KCNN2: variants seen among roughly 807,000 people sequenced by gnomAD.
KCNN2 encodes the protein potassium calcium-activated channel subfamily N member 2.
In KCNN2, 24 loss-of-function variants were observed where a neutral mutation model predicts 55.5. That is an observed-to-expected ratio of 0.43 (90% confidence interval 0.31 to 0.61). The LOEUF (loss-of-function observed/expected upper bound fraction) is 0.61, where lower values mean the gene tolerates loss of function less well. Ranked by LOEUF, KCNN2 falls within the 20% of genes least tolerant of loss-of-function variation. KCNN2 has a pLI of 0.08. For synonymous variants in KCNN2, 431 were observed against 336.1 expected, an observed-to-expected ratio of 1.28 and a Z score of -3.09; for missense variants, 754 against 853.6, an observed-to-expected ratio of 0.88 and a Z score of 1.45.
At chr5:114,296,832 T>A (rs1756020701) in intron 2 of KCNN2, among the ~76,000 whole-genome samples, 1 of 152,220 alleles carries the variant, frequency 6.6e-6, no homozygotes, top group African/African-American at 2.4e-5. Flanking sequence ...CATTAAAATG[T>A]GACAATATAT....
intron 2 of KCNN2, among the ~76,000 whole-genome samples, chr5:114,229,607 T>C (rs1754314537): frequency 6.6e-6 from 1 of 151,460 alleles, no homozygotes; most frequent in Non-Finnish European, 1.5e-5. Context: ...TAGATGTAAA[T>C]ATTAGTATGT....
chr5:114,299,023 G>A lies in KCNN2; in HGVS notation c.-184-61922G>A, dbSNP rs142690732. 1.1e-3 allele frequency among the ~76,000 whole-genome samples: 161 copies of A among 152,252 alleles called. 3 individuals are homozygous for A. The highest frequency in any genetic ancestry group is 8.7e-3 in the East Asian group (45 of 5,174). On this transcript the variant is annotated intron_variant, in intron 2 of 10. Transcript: ENST00000512097. The stretch of plus-strand genomic sequence containing the variant: ...TATTAGTAATTAACCCAGTATTGGG[G>A]CTGTTTTCAGGGTGAAGGTTAATTC...
chr5:114,067,703 TTTGGTG>T (rs1251134968), intron 1 of KCNN2, among the ~76,000 whole-genome samples: 1 of 152,208 alleles, frequency 6.6e-6, no homozygotes, highest in African/African-American at 2.4e-5. Context: ...TTGTTTTATC[TTTGGTG>T]TGTGTGTATT....
intron 2 of KCNN2, among the ~76,000 whole-genome samples, chr5:114,271,515 A>G (rs571714777): frequency 1.3e-5 from 2 of 152,218 alleles, no homozygotes; most frequent in South Asian, 4.1e-4. Flanking sequence ...AAAGTAAAAA[A>G]TACAATACTA....
At chr5:114,072,240 C>T (rs998673960) in intron 1 of KCNN2, among the ~76,000 whole-genome samples, 1 of 151,504 alleles carries the variant, frequency 6.6e-6, no homozygotes, top group African/African-American at 2.4e-5. Flanking sequence ...TGCGGTGAGC[C>T]AAGATCACGC....
chr5:114,200,261 A>G (rs1753646607), intron 1 of KCNN2, among the ~76,000 whole-genome samples: 1 of 151,654 alleles, frequency 6.6e-6, no homozygotes, highest in African/African-American at 2.4e-5. Context: ...TCAAGTTCTG[A>G]GATTGTTTCT....
chr5:114,178,884 T>C (rs1178808512), intron 1 of KCNN2, among the ~76,000 whole-genome samples: 2 of 152,192 alleles, frequency 1.3e-5, no homozygotes, highest in Non-Finnish European at 1.5e-5. Context: ...ACCTGGCAAG[T>C]AAATTAGCTT....
chr5:114,460,187 G>GTAGT (rs1161961842), intron 3 of KCNN2, among the ~76,000 whole-genome samples: 1 of 152,012 alleles, frequency 6.6e-6, no homozygotes, highest in African/African-American at 2.4e-5. Context: ...ACTTCTCTTC[G>GTAGT]TAGTTACCTG....
chr5:114,431,989 G>C (rs1759809899), intron 3 of KCNN2, among the ~76,000 whole-genome samples: 1 of 152,078 alleles, frequency 6.6e-6, no homozygotes, highest in African/African-American at 2.4e-5. Flanking sequence ...TTATCTTTCA[G>C]GGCCCAGAAT....
At chr5:114,076,812 G>T (rs1750692892) in intron 1 of KCNN2, among the ~76,000 whole-genome samples, 1 of 152,106 alleles carries the variant, frequency 6.6e-6, no homozygotes, top group Admixed American at 6.5e-5. Context: ...TCCTGCCTCA[G>T]CCTCCTAAGT....
chr5:114,444,993 G>T (rs1760349512), intron 3 of KCNN2, among the ~76,000 whole-genome samples: 1 of 152,110 alleles, frequency 6.6e-6, no homozygotes, highest in Non-Finnish European at 1.5e-5. Context: ...TGTTTATTTA[G>T]AACACAAAGT....
chr5:114,157,997 C>G (rs952176512), intron 1 of KCNN2, among the ~76,000 whole-genome samples: 3 of 152,078 alleles, frequency 2.0e-5, no homozygotes, highest in Admixed American at 6.6e-5. Flanking sequence ...TGCAGAAGCT[C>G]TTTAGTTTAA....
chr5:114,079,119 G>A (rs1347006701), intron 1 of KCNN2, among the ~76,000 whole-genome samples: 1 of 151,970 alleles, frequency 6.6e-6, no homozygotes, highest in South Asian at 2.1e-4. Flanking sequence ...CCTATACAGA[G>A]GCATTGACTC....
In KCNN2 at chr5:114,391,649, A is replaced by T. The variant is rs537037896; in HGVS notation, c.1219-12789A>T. 7.3e-4 allele frequency among the ~76,000 whole-genome samples: 111 copies of T among 152,322 alleles called. 2 individuals carry two copies. The highest frequency in any genetic ancestry group is 2.5e-3 in the African/African-American group (102 of 41,584). ...CTTTAAATTTCAATATTTGAGATGC[A>T]TTTCTTCTGCATTGTTGGCTGCTCT... On this transcript the variant is annotated intron_variant, in intron 2 of 7. Coordinates refer to ENST00000673685, the MANE Select transcript of KCNN2 (RefSeq NM_021614.4).
At chr5:114,185,242 A>G (rs1339639368) in intron 1 of KCNN2, among the ~76,000 whole-genome samples, 2 of 152,234 alleles carry the variant, frequency 1.3e-5, no homozygotes, top group East Asian at 3.8e-4. Context: ...TTTTACTGCA[A>G]ATTATTTTAC....
intron 2 of KCNN2, among the ~76,000 whole-genome samples, chr5:114,265,324 GGT>G (rs60111802): frequency 0.026 from 3,945 of 149,124 alleles, 88 homozygotes; most frequent in African/African-American, 0.056. Context: ...ATCAAGAGGA[GGT>G]GTGTGTGTGT....
chr5:114,280,181 T>G lies in KCNN2; in HGVS notation c.-185+58616T>G, dbSNP rs141755582. 3.9e-3 allele frequency among the ~76,000 whole-genome samples: 601 copies of G among 152,336 alleles called. 4 individuals are homozygous for G. Among genetic ancestry groups the G allele is most frequent in the African/African-American group, 0.013 (545 of 41,582 alleles). ...ATTCTTGTAAATTTGTTTGAGTTCATTGTAGATTCTGGATATTAGCCCTTT... is the reference window on the plus strand; with the variant it reads ...ATTCTTGTAAATTTGTTTGAGTTCAGTGTAGATTCTGGATATTAGCCCTTT... On this transcript the variant is annotated intron_variant, in intron 2 of 10. Coordinates refer to the KCNN2 transcript ENST00000512097.
chr5:114,276,658 A>ATTTTTTTTTTTTTTTTTTTT (rs141201743), intron 2 of KCNN2, among the ~76,000 whole-genome samples: 2 of 130,450 alleles, frequency 1.5e-5, no homozygotes, highest in African/African-American at 2.9e-5. Context: ...CAACCCCTGC[A>ATTTTTTTTTTTTTTTTTTTT]TTTTTTTTTT....
chr5:114,298,055 G>T (rs1457756), intron 2 of KCNN2, among the ~76,000 whole-genome samples: 57,956 of 151,998 alleles, frequency 0.38, 11,673 homozygotes, highest in Non-Finnish European at 0.43. Flanking sequence ...TTAGGAGTTA[G>T]TGTATGTCAA....
Sources: gnomAD v4.1 joint callset for allele counts (sites outside exome capture counted in the v4.1 genomes callset) on GRCh38, gnomAD v4.1.1 for gene constraint, MANE v1.5 for transcripts, NCBI Gene and HGNC (gene_info 2026-07-23, HGNC 2026-07-21) for gene names.